The following TRAPPC8 variants were observed in gnomAD, a reference collection of about 807,000 sequenced individuals.
TRAPPC8 encodes the protein general sporulation gene 1 homolog.
In TRAPPC8, 54 loss-of-function variants were observed where a neutral mutation model predicts 174.3. The ratio of observed to expected loss-of-function variants is 0.31; its 90% confidence interval spans 0.25 to 0.39. The LOEUF is 0.39. Ranked by LOEUF, TRAPPC8 falls within the 10% of genes least tolerant of loss-of-function variation. The probability of loss-of-function intolerance (pLI) is 1.00; values close to 1 mark genes in which losing one functional copy is unlikely to be tolerated. For missense variants in TRAPPC8, 1,531 were observed against 1,699.1 expected, an observed-to-expected ratio of 0.90 and a Z score of 1.74; for synonymous variants, 630 against 579.9, an observed-to-expected ratio of 1.09 and a Z score of -1.24.
chr18:31,848,001 C>T (rs2033499243), intron 25 of TRAPPC8, among the ~76,000 whole-genome samples: 1 of 152,100 alleles, frequency 6.6e-6, no homozygotes, highest in South Asian at 2.1e-4. Context: ...GAGTCCTATG[C>T]TTCCTGTGCA....
At chr18:31,843,044 C>A (rs1251933987) in intron 26 of TRAPPC8, among the ~76,000 whole-genome samples, 1 of 152,028 alleles carries the variant, frequency 6.6e-6, no homozygotes, top group Non-Finnish European at 1.5e-5. Flanking sequence ...CAAAAAAATT[C>A]ATGTACAAAA....
intron 19 of TRAPPC8, among the ~76,000 whole-genome samples, chr18:31,860,422 T>C (rs2034268177): frequency 6.6e-6 from 1 of 152,230 alleles, no homozygotes; most frequent in East Asian, 1.9e-4. Context: ...AGCTCATTGT[T>C]TGAGTTCAGT....
intron 1 of TRAPPC8, among the ~76,000 whole-genome samples, chr18:31,942,367 T>C (rs2038382415): frequency 6.6e-6 from 1 of 152,200 alleles, no homozygotes; most frequent in Admixed American, 6.5e-5. Context: ...CTTAACGACC[T>C]AGGTTGTCCG....
At chr18:31,861,941 G>C (rs1014589956) in intron 19 of TRAPPC8, among the ~76,000 whole-genome samples, 3 of 137,576 alleles carry the variant, frequency 2.2e-5, no homozygotes, top group Non-Finnish European at 4.7e-5. Flanking sequence ...AAAAAAGGGG[G>C]GGGGGGGCGG....
intron 2 of TRAPPC8, among the ~76,000 whole-genome samples, chr18:31,930,250 G>T (rs1462416957): frequency 6.6e-6 from 1 of 151,896 alleles, no homozygotes; most frequent in Non-Finnish European, 1.5e-5. Context: ...CTCCCAAGTA[G>T]CTGGGATTAC....
At chr18:31,857,432 G>T in intron 20 of TRAPPC8, 108 bp downstream of exon 20, 1 of 954,030 alleles carries the variant, frequency 1.0e-6, no homozygotes, top group Non-Finnish European at 1.5e-6. Flanking sequence ...TGCATAATCT[G>T]GAACAGAGTA....
At chr18:31,852,234 A>G (rs976301089) in intron 24 of TRAPPC8, among the ~76,000 whole-genome samples, 5 of 152,110 alleles carry the variant, frequency 3.3e-5, no homozygotes, top group Admixed American at 3.3e-4. Flanking sequence ...CCAGCTACTC[A>G]GGAGGCTGAG....
Position 31,876,489 on chromosome 18 carries a change from C to CAAAAAAAAAAAAAAAAAAAAAAAAAA in TRAPPC8, c.1729-1786_1729-1785insTTTTTTTTTTTTTTTTTTTTTTTTTT, listed in dbSNP as rs71175801. ...TGGGCTACACTGCGAGACTCCATCT[C>CAAAAAAAAAAAAAAAAAAAAAAAAAA]AAAAAAAAAAAAAAAAAAAAAAAGA... On this transcript the variant is annotated intron_variant, in intron 12 of 28. Coordinates refer to ENST00000283351, the MANE Select transcript of TRAPPC8 (RefSeq NM_014939.5). Among the ~76,000 whole-genome samples the CAAAAAAAAAAAAAAAAAAAAAAAAAA allele has an allele frequency of 2.1e-4, 10 of 48,716 alleles. 1 individual carries two copies. The highest frequency in any genetic ancestry group is 6.2e-4 in the East Asian group (1 of 1,626). The allele number at this position is 48,716 out of a possible 152,430, so 32.0% of individuals were successfully genotyped here.
chr18:31,888,008 G>C (rs772159740), intron 12 of TRAPPC8, among the ~76,000 whole-genome samples: 3 of 151,976 alleles, frequency 2.0e-5, no homozygotes, highest in African/African-American at 4.8e-5. Context: ...AAAATCTCAG[G>C]ATACAAAATC....
At chr18:31,897,001 GA>G (rs921015398) in intron 11 of TRAPPC8, among the ~76,000 whole-genome samples, 1 of 152,154 alleles carries the variant, frequency 6.6e-6, no homozygotes, top group African/African-American at 2.4e-5. Context: ...AGACAGATTT[GA>G]AAGTGAAAAG....
chr18:31,855,862 A>G, intron 20 of TRAPPC8, 55 bp from the exon 21 acceptor site: 1 of 1,528,568 alleles, frequency 6.5e-7, no homozygotes, highest in Non-Finnish European at 8.7e-7. Flanking sequence ...TCTATGTTAT[A>G]ATTATCTAAT....
At chr18:31,901,084 T>G in intron 9 of TRAPPC8, 59 bp from the exon 10 acceptor site, 1 of 1,430,940 alleles carries the variant, frequency 7.0e-7, no homozygotes, top group Non-Finnish European at 9.5e-7. Flanking sequence ...ACAGTTTAGA[T>G]GGGAAACTAA....
At chr18:31,858,289 A>T (rs183828878) in intron 19 of TRAPPC8, among the ~76,000 whole-genome samples, 444 of 152,324 alleles carry the variant, frequency 2.9e-3, no homozygotes, top group Non-Finnish European at 5.3e-3. Context: ...AGAAAAGTTG[A>T]AAGTAATTTA....
At chr18:31,836,810 G>A (rs1405724096) in intron 27 of TRAPPC8, among the ~76,000 whole-genome samples, 1 of 146,122 alleles carries the variant, frequency 6.8e-6, no homozygotes, top group Non-Finnish European at 1.5e-5. Context: ...CGCCCAGGCT[G>A]GACTGCAGTG....
chr18:31,857,885 A>C lies in TRAPPC8; in HGVS notation c.2843T>G (p.Leu948Trp), dbSNP rs753606406. ...CTCTGGACGTTTAGAAACAACCTTC[A>C]ATCCAGTAAGTGGACATTTGCTGAC... ...VNVSKCPLTG[L>W]KVVSKRPEFF... The change falls in exon 20 of 29, where the codon TTG becomes TGG. Residue 948 changes from leucine (L) to tryptophan (W), a missense_variant. Transcript: ENST00000283351. 2 of 1,614,082 alleles carry C rather than the reference A, an allele frequency of 1.2e-6. No homozygotes were observed. Among genetic ancestry groups the C allele is most frequent in the Non-Finnish European group, 1.7e-6 (2 of 1,180,042 alleles).
chr18:31,897,938 G>A, intron 10 of TRAPPC8, 47 bp from the exon 11 acceptor site: 1 of 1,490,822 alleles, frequency 6.7e-7, no homozygotes, highest in Non-Finnish European at 9.3e-7. Context: ...TAATACCTTA[G>A]CACATCAAAG....
At position 31,874,722 on chromosome 18, in the gene TRAPPC8, AAAT is replaced by A; in HGVS notation, c.1729-21_1729-19del. On this transcript the variant is annotated intron_variant, in intron 12 of 28. Transcript: ENST00000283351. The stretch of plus-strand genomic sequence containing the variant: ...TGCTTTTTCTGTAAGAAAATAAACA[AAAT>A]AATGTATTATACTCCAAATTTGTTT... 1 of 1,603,478 alleles carries A rather than the reference AAAT, an allele frequency of 6.2e-7. No homozygotes were observed. Among genetic ancestry groups the A allele is most frequent in the Non-Finnish European group, 8.5e-7 (1 of 1,176,084 alleles).
At chr18:31,933,233 G>A (rs1320030467) in intron 1 of TRAPPC8, among the ~76,000 whole-genome samples, 2 of 150,882 alleles carry the variant, frequency 1.3e-5, no homozygotes, top group Middle Eastern at 3.4e-3. Flanking sequence ...CCCGGCGGGC[G>A]GAGCTGGCAG....
At chr18:31,888,699 T>G (rs1344556346) in intron 12 of TRAPPC8, among the ~76,000 whole-genome samples, 1 of 152,138 alleles carries the variant, frequency 6.6e-6, no homozygotes, top group Admixed American at 6.6e-5. Flanking sequence ...TTCTCACTTG[T>G]AAGTGGGAGC....
Sources: gnomAD v4.1 joint callset for allele counts (sites outside exome capture counted in the v4.1 genomes callset) on GRCh38, gnomAD v4.1.1 for gene constraint, MANE v1.5 for transcripts, NCBI Gene and HGNC (gene_info 2026-07-23, HGNC 2026-07-21) for gene names.